ABCB5: variants seen among roughly 807,000 people sequenced by gnomAD.
ABCB5 encodes ATP-binding cassette sub-family B member 5.
ABCB5 carries 155 observed loss-of-function variants against 144.2 expected under a neutral mutation model. The observed-to-expected ratio is 1.08, with a 90% CI of 0.94 to 1.23. The LOEUF (loss-of-function observed/expected upper bound fraction) is 1.23, where lower values mean the gene tolerates loss of function less well. ABCB5 is among the 50% of genes most tolerant of loss of function. The pLI is 0.00. For synonymous variants in ABCB5, 610 were observed against 528.6 expected (o/e 1.15, Z -2.11); for missense variants, 1,830 against 1,520.8 (o/e 1.20, Z -3.38).
rs1356035726 is a variant in ABCB5, at chr7:20,730,309, A to T, written c.2867+1854A>T. Among the ~76,000 whole-genome samples, 25 of 152,368 alleles carry T rather than the reference A, an allele frequency of 1.6e-4. No homozygotes were observed. The South Asian group carries it at 4.8e-3, about 29-fold the overall frequency. On this transcript the variant is annotated intron_variant, in intron 23 of 27. Transcript: ENST00000404938. ...TGGATCACCAAAGGTCAGGATTTCG[A>T]GACCAGCCTGGACAACCTGTGAAAT... is the stretch of plus-strand genomic sequence containing the variant.
chr7:20,636,881 T>G (rs1784170188), intron 5 of ABCB5, among the ~76,000 whole-genome samples: 1 of 152,070 alleles, frequency 6.6e-6, no homozygotes, highest in South Asian at 2.1e-4. Context: ...TGTTAATATT[T>G]TTGAAATATT....
intron 26 of ABCB5, among the ~76,000 whole-genome samples, chr7:20,746,617 T>G (rs1419598526): frequency 2.0e-5 from 3 of 152,202 alleles, no homozygotes; most frequent in Non-Finnish European, 4.4e-5. Context: ...GATGTCTGTA[T>G]TGGCTGTGGC....
intron 2 of ABCB5, among the ~76,000 whole-genome samples, chr7:20,625,063 T>C (rs550105531): frequency 2.6e-5 from 4 of 152,328 alleles, no homozygotes; most frequent in African/African-American, 9.6e-5. Context: ...GAAACAACTT[T>C]TATCAAGAGA....
intron 5 of ABCB5, among the ~76,000 whole-genome samples, chr7:20,640,180 T>G (rs1411785500): frequency 6.6e-6 from 1 of 152,188 alleles, no homozygotes; most frequent in African/African-American, 2.4e-5. Flanking sequence ...TCCCTCTTAC[T>G]AGAAAATACA....
intron 20 of ABCB5, among the ~76,000 whole-genome samples, chr7:20,718,487 T>A (rs1295162032): frequency 6.6e-6 from 1 of 152,216 alleles, no homozygotes; most frequent in Non-Finnish European, 1.5e-5. Context: ...TTTGCTGTTG[T>A]GTGTTTTTAC....
chr7:20,644,606 CTG>C (rs1221442196), intron 7 of ABCB5, among the ~76,000 whole-genome samples: 6 of 152,298 alleles, frequency 3.9e-5, no homozygotes, highest in African/African-American at 1.2e-4. Context: ...ACAAATGTAT[CTG>C]TAATATTATT....
At chr7:20,735,309 C>A (rs1782348869) in intron 23 of ABCB5, among the ~76,000 whole-genome samples, 2 of 152,096 alleles carry the variant, frequency 1.3e-5, no homozygotes, top group South Asian at 4.1e-4. Context: ...TGATTATTGG[C>A]CAAAAGAGCA....
chr7:20,616,854 G>C (rs532821393), intron 1 of ABCB5, among the ~76,000 whole-genome samples: 4 of 152,190 alleles, frequency 2.6e-5, no homozygotes, highest in Admixed American at 6.5e-5. Flanking sequence ...CTGCCAACTG[G>C]CTCACAAATT....
chr7:20,662,394 A>C (rs565189722), intron 14 of ABCB5, among the ~76,000 whole-genome samples: 1 of 152,332 alleles, frequency 6.6e-6, no homozygotes, highest in East Asian at 1.9e-4. Context: ...GGTGTATTAC[A>C]TTAAGCTGCC....
At chr7:20,705,626 T>C (rs1166127288) in intron 20 of ABCB5, among the ~76,000 whole-genome samples, 3 of 152,160 alleles carry the variant, frequency 2.0e-5, no homozygotes, top group African/African-American at 7.2e-5. Context: ...AAGGAAAATG[T>C]CAATAATTCA....
At position 20,739,030 on chromosome 7, in the gene ABCB5, T is replaced by C; in HGVS notation, c.2915T>C (p.Leu972Pro). ...AYGAMAIGET[L>P]VLAPEYSKAK... is the part of the protein sequence containing the mutation. The stretch of plus-strand genomic sequence containing the variant: ...GGAGCTATGGCCATCGGAGAAACGC[T>C]CGTTTTGGCTCCTGAATATTCCAAA... The change falls in exon 24 of 28, where the codon CTC (leucine) becomes CCC (proline). Residue 972 changes from leucine to proline, a missense_variant. Physicochemically the swap from Leu to Pro is moderately conservative, Grantham distance 98. Transcript: ENST00000404938. 6.2e-7 allele frequency: 1 copy of C among 1,612,018 alleles called. No homozygotes were observed. The highest frequency in any genetic ancestry group is 8.5e-7 in the Non-Finnish European group (1 of 1,179,158).
chr7:20,636,456 A>G (rs1030827491), intron 5 of ABCB5, among the ~76,000 whole-genome samples: 3 of 152,056 alleles, frequency 2.0e-5, no homozygotes, highest in African/African-American at 4.8e-5. Context: ...TTATACCATT[A>G]TTTCTTTTTT....
intron 5 of ABCB5, 134 bp from the exon 6 acceptor site, chr7:20,643,050 T>C (rs1331920374): frequency 7.0e-6 from 5 of 714,534 alleles, no homozygotes; most frequent in Non-Finnish European, 9.1e-6. Context: ...TTCACTCTCA[T>C]GGCATGTTAT....
intron 20 of ABCB5, among the ~76,000 whole-genome samples, chr7:20,719,043 G>A (rs1781776527): frequency 6.6e-6 from 1 of 152,086 alleles, no homozygotes; most frequent in Non-Finnish European, 1.5e-5. Context: ...TAATGTACAA[G>A]GAATAAATCA....
chr7:20,629,906 G>T (rs1417330266), intron 4 of ABCB5, among the ~76,000 whole-genome samples: 1 of 152,182 alleles, frequency 6.6e-6, no homozygotes, highest in Admixed American at 6.6e-5. Flanking sequence ...ATAACATAAT[G>T]CAGAAGAGAA....
At chr7:20,645,683 T>G in intron 7 of ABCB5, 73 bp from the exon 8 acceptor site, 1 of 1,538,068 alleles carries the variant, frequency 6.5e-7, no homozygotes, top group Non-Finnish European at 8.8e-7. Context: ...ATTCAAATTC[T>G]GCCTGACTTA....
At chr7:20,681,768 A>C in intron 15 of ABCB5, 102 bp downstream of exon 15, 1 of 1,353,890 alleles carries the variant, frequency 7.4e-7, no homozygotes, top group Non-Finnish European at 1.0e-6. Flanking sequence ...TTAAATTTCA[A>C]AAAGCAACCA....
chr7:20,711,778 C>CTCTCTCTT lies in ABCB5; in HGVS notation c.2421+6974_2421+6975insCTCTTTCT, dbSNP rs1562573557. Among the ~76,000 whole-genome samples, 2 of 47,110 alleles carry CTCTCTCTT rather than the reference C, an allele frequency of 4.2e-5. 1 individual carries two copies. The highest frequency in any genetic ancestry group is 2.4e-4 in the African/African-American group (2 of 8,320). 30.9% of individuals were successfully genotyped at this position (47,110 alleles called of 152,430 possible). The stretch of plus-strand genomic sequence containing the variant: ...CCAGCCTGCCTGCCTTTCCTTCTTT[C>CTCTCTCTT]TCTTTCTTTCTTTCTTTCTTTCTTT... On this transcript the variant is annotated intron_variant, in intron 20 of 27. Coordinates refer to ENST00000404938, the MANE Select transcript of ABCB5 (RefSeq NM_001163941.2).
intron 24 of ABCB5, among the ~76,000 whole-genome samples, chr7:20,741,816 C>T (rs1427266547): frequency 6.6e-6 from 1 of 151,962 alleles, no homozygotes; most frequent in Non-Finnish European, 1.5e-5. Flanking sequence ...ATCCACTACT[C>T]CTTAGTTGTT....
Sources: allele counts gnomAD v4.1 joint callset (sites outside exome capture counted in the v4.1 genomes callset), GRCh38; gene constraint gnomAD v4.1.1; transcripts MANE v1.5; gene names NCBI Gene and HGNC (gene_info 2026-07-23, HGNC 2026-07-21).